USP10: variants seen among roughly 807,000 people sequenced by gnomAD.
The protein encoded by USP10 is ubiquitin specific peptidase 10.
Under a neutral mutation model 84.5 loss-of-function variants are expected in USP10, and 22 were observed. The observed-to-expected ratio is 0.26, with a 90% CI of 0.19 to 0.37. USP10 has a LOEUF of 0.37. USP10 is among the 10% of genes least tolerant of loss of function. The pLI, the probability that USP10 is intolerant of heterozygous loss-of-function variation, is 1.00. For missense variants in USP10, 1,019 were observed against 998.9 expected (o/e 1.02, Z -0.27); for synonymous variants, 454 against 387.6 (o/e 1.17, Z -2.01).
At chr16:84,764,036 TTGCTG>T in intron 9 of USP10, 45 bp from the exon 10 acceptor site, 1 of 1,535,534 alleles carries the variant, frequency 6.5e-7, no homozygotes, top group Admixed American at 2.4e-5. Flanking sequence ...TTTTTTTTTT[TTGCTG>T]TTCTTGTCGT....
intron 10 of USP10, among the ~76,000 whole-genome samples, chr16:84,764,736 C>T (rs1913627797): frequency 6.6e-6 from 1 of 151,784 alleles, no homozygotes; most frequent in African/African-American, 2.4e-5. Flanking sequence ...GAGGCTGAGG[C>T]AGGAGAATCG....
chr16:84,702,118 A>G lies in USP10; in HGVS notation c.21+2007A>G, dbSNP rs372870864. Among the ~76,000 whole-genome samples the G allele has an allele frequency of 5.3e-4, 67 of 125,560 alleles. 1 individual carries two copies. The East Asian group carries it at 0.013, about 23-fold the overall frequency. The allele number at this position is 125,560 out of a possible 152,430, so 82.4% of individuals were successfully genotyped here. A position where few individuals can be genotyped will look rare whatever the true frequency, so the allele number is the denominator to read the frequency against. On this transcript the variant is annotated intron_variant, in intron 1 of 13. Transcript: ENST00000219473. ...GTCGCCCAGGCTGGAGTGCAGTGGC[A>G]TGATCTCGGCCCACTGCAACCTCTG...
chr16:84,708,609 T>A (rs550597471), intron 1 of USP10, among the ~76,000 whole-genome samples: 1 of 152,364 alleles, frequency 6.6e-6, no homozygotes, highest in South Asian at 2.1e-4. Flanking sequence ...TGAATTTTTC[T>A]CCATCTTCTT....
chr16:84,733,160 G>T (rs1909462680), intron 1 of USP10: 1 of 519,230 alleles, frequency 1.9e-6, no homozygotes, highest in Non-Finnish European at 3.7e-6. Flanking sequence ...CTGCAAGCAG[G>T]ACTCGACAAG....
intron 1 of USP10, among the ~76,000 whole-genome samples, chr16:84,729,078 G>T (rs986976071): frequency 6.6e-6 from 1 of 152,206 alleles, no homozygotes; most frequent in African/African-American, 2.4e-5. Context: ...GATTACAAGC[G>T]TGAGCCACCG....
intron 11 of USP10, among the ~76,000 whole-genome samples, chr16:84,770,771 CCAAA>C (rs1567650791): frequency 2.3e-5 from 3 of 133,090 alleles, no homozygotes; most frequent in Non-Finnish European, 3.2e-5. Flanking sequence ...GACTCCGTCC[CCAAA>C]AAAAAAAAAA....
At chr16:84,741,346 G>A (rs943800999) in intron 3 of USP10, among the ~76,000 whole-genome samples, 44 of 152,204 alleles carry the variant, frequency 2.9e-4, no homozygotes, top group African/African-American at 9.9e-4. Context: ...CGGGAAGCCG[G>A]GCTGCTCAGC....
At chr16:84,749,796 C>G (rs1021273292) in intron 4 of USP10, among the ~76,000 whole-genome samples, 1 of 152,006 alleles carries the variant, frequency 6.6e-6, no homozygotes, top group African/African-American at 2.4e-5. Context: ...ACATTAAACT[C>G]TTGATTACTC....
intron 6 of USP10, 33 bp downstream of exon 6, chr16:84,759,505 T>A (rs1277935240): frequency 1.9e-6 from 3 of 1,588,544 alleles, no homozygotes; most frequent in Non-Finnish European, 2.6e-6. Flanking sequence ...TGTTAAGTGG[T>A]GGGGTTTTTC....
At chr16:84,720,490 A>G (rs1907639545) in intron 1 of USP10, among the ~76,000 whole-genome samples, 2 of 151,990 alleles carry the variant, frequency 1.3e-5, no homozygotes, top group Non-Finnish European at 2.9e-5. Flanking sequence ...GAATAATCTG[A>G]AGTGACTGAG....
At chr16:84,733,411 A>G in intron 1 of USP10, 24 bp from the exon 2 acceptor site, 1 of 1,532,580 alleles carries the variant, frequency 6.5e-7, no homozygotes, top group Non-Finnish European at 9.0e-7. Flanking sequence ...TTATGTGATC[A>G]GTGACTCTCT....
At chr16:84,766,303 A>C (rs1375764888) in intron 10 of USP10, among the ~76,000 whole-genome samples, 1 of 152,222 alleles carries the variant, frequency 6.6e-6, no homozygotes, top group Non-Finnish European at 1.5e-5. Flanking sequence ...GCTCTATTCC[A>C]CTGGCCCCTT....
chr16:84,734,708 T>G (rs541989762), intron 2 of USP10, among the ~76,000 whole-genome samples: 1 of 152,356 alleles, frequency 6.6e-6, no homozygotes, highest in African/African-American at 2.4e-5. Context: ...CTTTAGGAAA[T>G]TCTTCCCATC....
rs564433004 is a variant in USP10 at position 84,756,453 on chromosome 16, C to T, written c.1193-2263C>T. ...CCTAAAAATACAAAAATTAGCCGGGCGTGGTGGTGCACGTCTGTAATCCCA... is the reference window on the plus strand; with the variant it reads ...CCTAAAAATACAAAAATTAGCCGGGTGTGGTGGTGCACGTCTGTAATCCCA... On this transcript the variant is annotated intron_variant, in intron 4 of 13. Coordinates refer to ENST00000219473, the MANE Select transcript of USP10 (RefSeq NM_005153.3). Among the ~76,000 whole-genome samples the T allele has an allele frequency of 1.5e-4, 23 of 152,124 alleles. 1 individual carries two copies. The highest frequency in any genetic ancestry group is 1.5e-3 in the South Asian group (7 of 4,816).
chr16:84,777,035 A>T (rs117523331), intron 13 of USP10, among the ~76,000 whole-genome samples: 2,847 of 152,338 alleles, frequency 0.019, 38 homozygotes, highest in East Asian at 0.056. Flanking sequence ...CTGGAAGCCT[A>T]TTCTGATCTT....
At chr16:84,741,704 G>T (rs138261457) in intron 3 of USP10, among the ~76,000 whole-genome samples, 9 of 152,232 alleles carry the variant, frequency 5.9e-5, no homozygotes, top group African/African-American at 1.9e-4. Context: ...CTGGAATCTT[G>T]CCACCAGTTT....
intron 1 of USP10, among the ~76,000 whole-genome samples, chr16:84,710,535 G>C (rs961006413): frequency 3.3e-5 from 5 of 152,136 alleles, no homozygotes; most frequent in African/African-American, 9.7e-5. Flanking sequence ...GTTAGGGAAG[G>C]TCATTTAGGG....
intron 1 of USP10, among the ~76,000 whole-genome samples, chr16:84,710,095 C>T (rs939958824): frequency 1.2e-4 from 19 of 152,030 alleles, no homozygotes; most frequent in African/African-American, 4.4e-4. Context: ...CATGCTGAAA[C>T]CCCATCTCTA....
chr16:84,737,903 C>T (rs999321412), intron 2 of USP10, among the ~76,000 whole-genome samples: 5 of 152,246 alleles, frequency 3.3e-5, no homozygotes, highest in African/African-American at 9.6e-5. Flanking sequence ...GTCAGCGCCA[C>T]CTGGCATTAC....
Sources: allele counts gnomAD v4.1 joint callset (sites outside exome capture counted in the v4.1 genomes callset), GRCh38; gene constraint gnomAD v4.1.1; transcripts MANE v1.5; gene names NCBI Gene and HGNC (gene_info 2026-07-23, HGNC 2026-07-21).